Variants in DIP2A observed in about 807,000 individuals in gnomAD.
DIP2A encodes the protein DIP2 acetate--CoA ligase A.
A neutral mutation model predicts 177.4 loss-of-function variants in DIP2A; 85 were observed. The ratio of observed to expected loss-of-function variants is 0.48; its 90% CI spans 0.40 to 0.57. The LOEUF is 0.57. DIP2A is among the 20% of genes least tolerant of loss of function. The pLI is 0.00. For missense variants in DIP2A, 1,791 were observed against 2,100.2 expected (o/e 0.85, Z 2.88); for synonymous variants, 886 against 881.8 (o/e 1.00, Z -0.08).
In DIP2A at chr21:46,506,724, TTTTCTTTCTTTCTTTC is replaced by T. The variant is rs1555887429; in HGVS notation, c.784+2271_784+2286del. Among the ~76,000 whole-genome samples the T allele has an allele frequency of 3.2e-3, 249 of 78,932 alleles. 4 individuals are homozygous for T. The highest frequency in any genetic ancestry group is 6.3e-3 in the African/African-American group (134 of 21,240). The allele number at this position is 78,932 out of a possible 152,430, so 51.8% of individuals were successfully genotyped here. A position where few individuals can be genotyped will look rare whatever the true frequency, so the allele number is the denominator to read the frequency against. On this transcript the variant is annotated intron_variant, in intron 6 of 37. Transcript: ENST00000417564. ...TATTTTTTTTTTTAATTGTGCTTGT[TTTTCTTTCTTTCTTTC>T]TTTCTTTCTTTCTTTCTTTCTTTCT...
At chr21:46,549,634 G>A (rs1601803280) in intron 21 of DIP2A, 137 bp from the exon 22 acceptor site, 1 of 1,450,692 alleles carries the variant, frequency 6.9e-7, no homozygotes, top group Non-Finnish European at 9.2e-7. Flanking sequence ...CTTTTTGAAT[G>A]TGCAGCAGGT....
intron 25 of DIP2A, chr21:46,553,955 G>C: frequency 2.2e-6 from 1 of 452,852 alleles, no homozygotes; most frequent in East Asian, 5.1e-5. Context: ...CTTGAGGTCA[G>C]GAGTTCGAGA....
intron 10 of DIP2A, among the ~76,000 whole-genome samples, chr21:46,532,511 A>C (rs1369177657): frequency 6.6e-6 from 1 of 152,226 alleles, no homozygotes; most frequent in Admixed American, 6.5e-5. Context: ...TATCATCTAC[A>C]TGAATTTCCC....
chr21:46,468,100 C>A (rs2055002891), intron 1 of DIP2A, among the ~76,000 whole-genome samples: 1 of 151,114 alleles, frequency 6.6e-6, no homozygotes, highest in South Asian at 2.1e-4. Context: ...TCCGCCTCTA[C>A]TAAATAAAAA....
At position 46,498,706 on chromosome 21, in the gene DIP2A, C is replaced by T. The variant is rs1327192463; in HGVS notation, c.528C>T (p.Thr176=). The change falls in exon 5 of 38, where the codon ACC becomes ACT. Residue 176 remains threonine (T), a synonymous_variant. Transcript: ENST00000417564. This position sits in a 1 kb window ranked among gnomAD's most constrained non-coding sequence, Gnocchi z 4.3. ...WLDRVIQGSS[T]SSSASSTSSH... Reference sequence around the variant, plus strand: ...ACCGGGTCATTCAGGGCTCGTCCACCTCATCCTCTGCATCCTCCACCTCAT... The same window carrying T: ...ACCGGGTCATTCAGGGCTCGTCCACTTCATCCTCTGCATCCTCCACCTCAT... 1.2e-6 allele frequency: 2 copies of T among 1,613,924 alleles called. No homozygotes were observed. The highest frequency in any genetic ancestry group is 2.2e-5 in the East Asian group (1 of 44,864).
chr21:46,517,506 A>G (rs1277323068), intron 8 of DIP2A, among the ~76,000 whole-genome samples: 1 of 152,132 alleles, frequency 6.6e-6, no homozygotes, highest in African/African-American at 2.4e-5. Flanking sequence ...CAGTCCAGTC[A>G]TGCCTGGCCC....
intron 1 of DIP2A, among the ~76,000 whole-genome samples, chr21:46,464,815 G>GTTTTTTTTTT (rs1568894284): frequency 2.3e-5 from 1 of 42,964 alleles, no homozygotes; most frequent in Non-Finnish European, 4.4e-5. Flanking sequence ...TAATATTCAT[G>GTTTTTTTTTT]TCTTTTTTTT....
chr21:46,516,906 A>G (rs904480101), intron 8 of DIP2A, among the ~76,000 whole-genome samples: 1 of 151,980 alleles, frequency 6.6e-6, no homozygotes, highest in African/African-American at 2.4e-5. Context: ...ACTCTGGAAA[A>G]ATTTCTCATT....
intron 1 of DIP2A, among the ~76,000 whole-genome samples, chr21:46,467,906 G>T (rs771532155): frequency 6.6e-6 from 1 of 152,104 alleles, no homozygotes; most frequent in East Asian, 1.9e-4. Flanking sequence ...AGGTTGGATC[G>T]TTTGAACTCA....
intron 5 of DIP2A, among the ~76,000 whole-genome samples, chr21:46,502,229 G>A (rs2057691222): frequency 6.6e-6 from 1 of 151,930 alleles, no homozygotes; most frequent in African/African-American, 2.4e-5. Context: ...TGGAACTTCT[G>A]GGCTCCAGTG....
intron 1 of DIP2A, among the ~76,000 whole-genome samples, chr21:46,469,571 C>T (rs1485628988): frequency 6.6e-6 from 1 of 152,016 alleles, no homozygotes; most frequent in Non-Finnish European, 1.5e-5. Flanking sequence ...GGGCATAATC[C>T]ACTGATGGCC....
chr21:46,489,410 A>C (rs1197995444), intron 2 of DIP2A, among the ~76,000 whole-genome samples: 1 of 152,030 alleles, frequency 6.6e-6, no homozygotes, highest in Non-Finnish European at 1.5e-5. Context: ...TGGGGTGGGG[A>C]GACTCCTGCT....
In DIP2A at chr21:46,555,962, T is replaced by C. The variant is rs2060453733; in HGVS notation, c.3389-20T>C. 6 of 1,555,692 alleles carry C rather than the reference T, an allele frequency of 3.9e-6. No homozygotes were observed. Among genetic ancestry groups the C allele is most frequent in the Non-Finnish European group, 5.3e-6 (6 of 1,126,632 alleles). On this transcript the variant is annotated intron_variant, in intron 28 of 37. Transcript: ENST00000417564. ...ATACATGTGGGAACACTAATGTTGCTGGTGTCTCCTGTTTAACAGATGACA... is the reference window on the plus strand; with the variant it reads ...ATACATGTGGGAACACTAATGTTGCCGGTGTCTCCTGTTTAACAGATGACA...
intron 6 of DIP2A, among the ~76,000 whole-genome samples, chr21:46,507,825 C>G (rs1283359751): frequency 6.6e-6 from 1 of 151,118 alleles, no homozygotes; most frequent in Non-Finnish European, 1.5e-5. Flanking sequence ...CTTAGCCTCC[C>G]AAGTAGCTGG....
intron 3 of DIP2A, among the ~76,000 whole-genome samples, chr21:46,495,651 C>G (rs2057316897): frequency 6.6e-6 from 1 of 152,024 alleles, no homozygotes; most frequent in African/African-American, 2.4e-5. Context: ...CTCTGTCACC[C>G]AGGCTGGAGG....
chr21:46,571,841 GCAAA>G (rs1254169129), downstream of DIP2A, among the ~76,000 whole-genome samples: 1 of 152,188 alleles, frequency 6.6e-6, no homozygotes, highest in Non-Finnish European at 1.5e-5. Flanking sequence ...CATGTCATCT[GCAAA>G]CAGAGACAAT....
intron 2 of DIP2A, among the ~76,000 whole-genome samples, chr21:46,486,060 G>A (rs2056665199): frequency 8.1e-6 from 1 of 122,966 alleles, no homozygotes; most frequent in African/African-American, 3.1e-5. Flanking sequence ...GACAGAGTGG[G>A]ACTTCATCTC....
intron 5 of DIP2A, among the ~76,000 whole-genome samples, chr21:46,503,012 C>A (rs566928948): frequency 2.0e-5 from 3 of 152,234 alleles, no homozygotes; most frequent in African/African-American, 7.2e-5. Flanking sequence ...TTAAATGTTA[C>A]ACCAATTCTA....
the DIP2A span, among the ~76,000 whole-genome samples, chr21:46,579,400 A>G: frequency 6.6e-6 from 1 of 151,258 alleles, no homozygotes; most frequent in East Asian, 1.9e-4. Flanking sequence ...TCAAAAAGCC[A>G]GCTCCTGGAT....
Sources: allele counts gnomAD v4.1 joint callset (sites outside exome capture counted in the v4.1 genomes callset), GRCh38; gene constraint gnomAD v4.1.1; non-coding constraint Gnocchi (gnomAD v3.1); transcripts MANE v1.5; gene names NCBI Gene and HGNC (gene_info 2026-07-23, HGNC 2026-07-21).